MGAM2: variants seen among roughly 807,000 people sequenced by gnomAD.
MGAM2 encodes the protein probable maltase-glucoamylase 2.
In MGAM2, 98 loss-of-function variants were observed where a neutral mutation model predicts 96.1. The observed-to-expected ratio is 1.02, with a 90% confidence interval of 0.87 to 1.21. The LOEUF is 1.21. Among genes scored for constraint, MGAM2 ranks in the 50% most tolerant of loss-of-function variants. The pLI is 0.00. For missense variants in MGAM2, 2,055 were observed against 1,182.4 expected, an observed-to-expected ratio of 1.74 and a Z score of -10.82; for synonymous variants, 749 against 414.8, an observed-to-expected ratio of 1.81 and a Z score of -9.79.
Position 142,148,971 on chromosome 7 carries a change from A to T in MGAM2, c.1634+1398A>T, listed in dbSNP as rs2129083062. On this transcript the variant is annotated intron_variant, in intron 15 of 47. Coordinates refer to ENST00000477922, the MANE Select transcript of MGAM2 (RefSeq NM_001293626.2). This position sits in a 1 kb window ranked among gnomAD's most constrained non-coding sequence, Gnocchi z 4.2. ...GCTTGGTGCGGTGGCTTACGTCTGT[A>T]ATCCAAGCACTTTGGGAGGCTGAGG... 6.6e-6 allele frequency among the ~76,000 whole-genome samples: 1 copy of T among 152,256 alleles called. No homozygotes were observed. The highest frequency in any genetic ancestry group is 1.9e-4 in the East Asian group (1 of 5,176).
intron 37 of MGAM2, among the ~76,000 whole-genome samples, chr7:142,193,670 C>T (rs1178077277): frequency 1.3e-5 from 2 of 152,166 alleles, no homozygotes; most frequent in African/African-American, 4.8e-5. Flanking sequence ...ACCTAGATTC[C>T]AGATATTTAT....
At chr7:142,182,837 G>T (rs186632107) in intron 32 of MGAM2, among the ~76,000 whole-genome samples, 160 of 152,296 alleles carry the variant, frequency 1.1e-3, no homozygotes, top group Middle Eastern at 3.4e-3. Context: ...TCTGTTTGAA[G>T]TGTAATGGTT....
Position 142,208,553 on chromosome 7 carries a change from T to C in MGAM2, c.5138-20T>C, listed in dbSNP as rs1314639253. 4 of 702,366 alleles carry C rather than the reference T, an allele frequency of 5.7e-6. No homozygotes were observed. The highest frequency in any genetic ancestry group is 5.2e-6 in the Non-Finnish European group (2 of 384,780). The allele number at this position is 702,366 out of a possible 1,614,324, so 43.5% of individuals were successfully genotyped here. A position where few individuals can be genotyped will look rare whatever the true frequency, so the allele number is the denominator to read the frequency against. The stretch of plus-strand genomic sequence containing the variant: ...GAAGCAGTTAGTAGTTGCTTATTCT[T>C]TTCTTTTCCTTGTTTGCAGATACCT... On this transcript the variant is annotated intron_variant, in intron 45 of 47. Transcript: ENST00000477922.
intron 4 of MGAM2, 22 bp downstream of exon 4, chr7:142,131,093 C>A (rs202239242): frequency 2.9e-6 from 2 of 699,206 alleles, no homozygotes; most frequent in South Asian, 1.5e-5. Flanking sequence ...CCTGATGTTG[C>A]GCCTGGGAAC....
At chr7:142,217,670 T>A (rs965525424) in intron 46 of MGAM2, among the ~76,000 whole-genome samples, 5 of 152,188 alleles carry the variant, frequency 3.3e-5, no homozygotes, top group Middle Eastern at 3.4e-3. Flanking sequence ...AAAGAGACAG[T>A]TAAATAGCAG....
intron 7 of MGAM2, among the ~76,000 whole-genome samples, chr7:142,135,949 G>T (rs1795047234): frequency 6.6e-6 from 1 of 151,696 alleles, no homozygotes; most frequent in Non-Finnish European, 1.5e-5. Flanking sequence ...CTAATATTTT[G>T]GTATACATCA....
intron 45 of MGAM2, among the ~76,000 whole-genome samples, chr7:142,206,453 A>G (rs1022359910): frequency 1.3e-5 from 2 of 152,162 alleles, no homozygotes; most frequent in African/African-American, 4.8e-5. Flanking sequence ...CCAGAGAGGC[A>G]AAATTACTGC....
chr7:142,177,446 G>A (rs1322098627), intron 32 of MGAM2, among the ~76,000 whole-genome samples: 1 of 152,150 alleles, frequency 6.6e-6, no homozygotes, highest in Non-Finnish European at 1.5e-5. Context: ...GAGTATGACA[G>A]AGTATGATGG....
chr7:142,130,847 T>A, intron 3 of MGAM2, 101 bp from the exon 4 acceptor site: 6 of 622,306 alleles, frequency 9.6e-6, no homozygotes, highest in Middle Eastern at 4.2e-4. Flanking sequence ...TTATAACCTA[T>A]CTTAAATTCT....
At chr7:142,206,056 T>C (rs1333420024) in intron 45 of MGAM2, among the ~76,000 whole-genome samples, 1 of 152,154 alleles carries the variant, frequency 6.6e-6, no homozygotes. Flanking sequence ...ATTTTTCTCA[T>C]TGAATTATTT....
rs1175660166 is a variant in MGAM2 at position 142,162,003 on chromosome 7, CTGTAAGTATTTTGTTTGAGG to C, written c.2484_2484+19del. 1.4e-6 allele frequency: 1 copy of C among 690,464 alleles called. No homozygotes were observed. Among genetic ancestry groups the C allele is most frequent in the East Asian group, 2.7e-5 (1 of 36,540 alleles). 42.8% of individuals were successfully genotyped at this position (690,464 alleles called of 1,614,324 possible). ...ATTCTATATGATTTCTCTGTTACCT[CTGTAAGTATTTTGTTTGAGG>C]AACACACAGCATATGTTCCTTGCTG... On this transcript the variant is annotated splice_donor_variant and splice_donor_5th_base_variant and coding_sequence_variant and intron_variant, in exon 23 of 48. Transcript: ENST00000477922. LOFTEE classifies it high-confidence loss of function.
At position 142,172,231 on chromosome 7, in the gene MGAM2, A is replaced by G. The variant is rs1264035857; in HGVS notation, c.3448+37A>G. The G allele has an allele frequency of 5.8e-6, 4 of 692,054 alleles. No individual in the cohort carries two copies. The East Asian group carries it at 1.1e-4, about 19-fold the overall frequency. The allele number at this position is 692,054 out of a possible 1,614,324, so 42.9% of individuals were successfully genotyped here. ...GCACAGCTCCCATGCACCACCAGAA[A>G]CAGCTGTGACCGCTCTATTTTGACC... On this transcript the variant is annotated intron_variant, in intron 29 of 47. Transcript: ENST00000477922.
rs1265759874 is a variant in MGAM2 at position 142,220,003 on chromosome 7, C to T, written c.5492C>T (p.Pro1831Leu). Residue 1831 changes from proline (P) to leucine (L), a missense_variant, in exon 48 of 48, where the codon CCA becomes CTA. Coordinates refer to ENST00000477922, the MANE Select transcript of MGAM2 (RefSeq NM_001293626.2). ...STIPMSSHPS[P>L]STTNATSSET... ...ATCCCAATGAGTTCTCATCCTTCTC[C>T]ATCTACTACCAATGCCACCAGTTCT... 4 of 702,794 alleles carry T rather than the reference C, an allele frequency of 5.7e-6. No homozygotes were observed. Among genetic ancestry groups the T allele is most frequent in the East Asian group, 5.4e-5 (2 of 37,288 alleles). The allele number at this position is 702,794 out of a possible 1,614,324, so 43.5% of individuals were successfully genotyped here. A position where few individuals can be genotyped will look rare whatever the true frequency, so the allele number is the denominator to read the frequency against.
Position 142,189,364 on chromosome 7 carries a change from C to A in MGAM2, c.4208-3C>A, listed in dbSNP as rs1260300874. On this transcript the variant is annotated splice_polypyrimidine_tract_variant and splice_region_variant and intron_variant, in intron 36 of 47. Transcript: ENST00000477922. ...TAGGAAATAACTCAACATTTCCCCT[C>A]AGATTTGGAATCTAGGGACAAGGGC... 2.9e-6 allele frequency: 2 copies of A among 685,810 alleles called. No homozygotes were observed. Among genetic ancestry groups the A allele is most frequent in the Non-Finnish European group, 5.3e-6 (2 of 376,406 alleles). The allele number at this position is 685,810 out of a possible 1,614,324, so 42.5% of individuals were successfully genotyped here.
Position 142,172,677 on chromosome 7 carries a change from T to C in MGAM2, c.3474T>C (p.Ala1158=). The change falls in exon 30 of 48, where the codon GCT becomes GCC. Residue 1158 remains alanine, a synonymous_variant. Transcript: ENST00000477922. The part of the protein sequence containing the change: ...AMDVTLQPTP[A]LTYRTTGGIL... ...ATGTGACATTACAGCCCACTCCTGC[T>C]CTGACATACCGCACCACAGGAGGGA... 1.4e-6 allele frequency: 1 copy of C among 704,936 alleles called. No individual in the cohort carries two copies. Among genetic ancestry groups the C allele is most frequent in the Non-Finnish European group, 2.6e-6 (1 of 385,786 alleles). 43.7% of individuals were successfully genotyped at this position (704,936 alleles called of 1,614,324 possible). A position where few individuals can be genotyped will look rare whatever the true frequency, so the allele number is the denominator to read the frequency against.
chr7:142,185,239 C>T, intron 34 of MGAM2, 100 bp downstream of exon 34: 1 of 624,174 alleles, frequency 1.6e-6, no homozygotes, highest in South Asian at 1.9e-5. Flanking sequence ...AGTTAAGTAG[C>T]CCTAACTTGA....
intron 32 of MGAM2, among the ~76,000 whole-genome samples, chr7:142,177,120 TAA>T (rs1357804799): frequency 6.6e-6 from 1 of 152,164 alleles, no homozygotes; most frequent in African/African-American, 2.4e-5. Flanking sequence ...ACGCTGCCAA[TAA>T]AGACATACTT....
chr7:142,120,275 C>T (rs1459007180), intron 2 of MGAM2, 27 bp from the exon 3 acceptor site: 5 of 701,910 alleles, frequency 7.1e-6, no homozygotes, highest in Admixed American at 2.0e-5. Context: ...TACACATTTT[C>T]AACTTTATCC....
At chr7:142,120,906 C>T (rs1004690937) in intron 3 of MGAM2, among the ~76,000 whole-genome samples, 1 of 152,124 alleles carries the variant, frequency 6.6e-6, no homozygotes, top group African/African-American at 2.4e-5. Context: ...AGGTTTTCTC[C>T]CAGAGTAGCT....
Sources: gnomAD v4.1 joint callset for allele counts (sites outside exome capture counted in the v4.1 genomes callset) on GRCh38, gnomAD v4.1.1 for gene constraint, Gnocchi (gnomAD v3.1) non-coding constraint, MANE v1.5 for transcripts, NCBI Gene and HGNC (gene_info 2026-07-23, HGNC 2026-07-21) for gene names.